The following ATP9B variants were observed in gnomAD, a reference collection of about 807,000 sequenced individuals.
ATP9B encodes the protein probable phospholipid-transporting ATPase IIB.
ATP9B carries 110 observed loss-of-function variants against 146.1 expected under a neutral mutation model. The observed-to-expected ratio is 0.75, with a 90% CI of 0.65 to 0.88. The LOEUF (loss-of-function observed/expected upper bound fraction) is 0.88. Ranked by LOEUF, ATP9B falls within the 40% of genes least tolerant of loss-of-function variation. The probability of loss-of-function intolerance (pLI) is 0.00; values close to 1 mark genes in which losing one functional copy is unlikely to be tolerated. For missense variants in ATP9B, 1,499 were observed against 1,496.4 expected (o/e 1.00, Z -0.03); for synonymous variants, 604 against 569.7 (o/e 1.06, Z -0.86).
At chr18:79,092,718 A>G (rs2074446047) in intron 1 of ATP9B, among the ~76,000 whole-genome samples, 1 of 149,052 alleles carries the variant, frequency 6.7e-6, no homozygotes. Flanking sequence ...GGTCAGGATC[A>G]TCAATATCAC....
chr18:79,115,697 CT>C (rs1375453050), intron 4 of ATP9B: 1 of 80,156 alleles, frequency 1.2e-5, no homozygotes, highest in Non-Finnish European at 2.3e-5. Context: ...ATAAATGGTG[CT>C]GGGAAAACTG....
intron 11 of ATP9B, among the ~76,000 whole-genome samples, chr18:79,231,031 C>T (rs2095786451): frequency 6.6e-6 from 1 of 152,156 alleles, no homozygotes; most frequent in Non-Finnish European, 1.5e-5. Flanking sequence ...AAGTCTAAGA[C>T]CTGAAACCAT....
chr18:79,094,140 C>T (rs1283044044), intron 1 of ATP9B, among the ~76,000 whole-genome samples: 1 of 152,232 alleles, frequency 6.6e-6, no homozygotes, highest in African/African-American at 2.4e-5. Flanking sequence ...AGTTGCAAAG[C>T]CTTGGCTGTG....
intron 5 of ATP9B, among the ~76,000 whole-genome samples, chr18:79,134,029 G>A (rs1202817641): frequency 1.3e-5 from 2 of 151,982 alleles, no homozygotes; most frequent in Non-Finnish European, 2.9e-5. Context: ...AAGTGCATCT[G>A]ATGCCATTTT....
rs550402975 is a variant in ATP9B, at chr18:79,234,485, C to T, written c.1108-18896C>T. ...AAGGTAGATCGCTGCCTTTGCTCCACGAGACTTCTTCCTGCGTGTTCTGCA... is the reference window on the plus strand; with the variant it reads ...AAGGTAGATCGCTGCCTTTGCTCCATGAGACTTCTTCCTGCGTGTTCTGCA... On this transcript the variant is annotated intron_variant, in intron 11 of 29. Coordinates refer to ENST00000426216, the MANE Select transcript of ATP9B (RefSeq NM_198531.5). Among the ~76,000 whole-genome samples the T allele has an allele frequency of 1.1e-4, 17 of 152,352 alleles. No individual in the cohort carries two copies. In the South Asian group the frequency reaches 1.9e-3, roughly 17 times the overall value.
chr18:79,116,714 T>C (rs1462609181), intron 4 of ATP9B, among the ~76,000 whole-genome samples: 2 of 61,788 alleles, frequency 3.2e-5, no homozygotes, highest in Admixed American at 1.8e-4. Context: ...TAGGTGGGAA[T>C]TGAACAATGA....
At chr18:79,243,477 G>A (rs1373586905) in intron 11 of ATP9B, among the ~76,000 whole-genome samples, 2 of 152,212 alleles carry the variant, frequency 1.3e-5, no homozygotes, top group African/African-American at 4.8e-5. Context: ...ATGGGATGGA[G>A]ATCTTCCAGT....
chr18:79,196,796 G>T (rs973835684), intron 9 of ATP9B, among the ~76,000 whole-genome samples: 1 of 152,190 alleles, frequency 6.6e-6, no homozygotes, highest in African/African-American at 2.4e-5. Context: ...AACAGGAGTT[G>T]CAGTCTTGGT....
intron 11 of ATP9B, among the ~76,000 whole-genome samples, chr18:79,229,327 G>A (rs1395917493): frequency 6.6e-6 from 1 of 152,166 alleles, no homozygotes; most frequent in Non-Finnish European, 1.5e-5. Flanking sequence ...AATTTAGGGA[G>A]GGATCTGTTT....
chr18:79,290,057 G>T (rs1299628004), intron 13 of ATP9B, among the ~76,000 whole-genome samples: 1 of 152,148 alleles, frequency 6.6e-6, no homozygotes, highest in Non-Finnish European at 1.5e-5. Flanking sequence ...CTGCTCGGGG[G>T]TCAGGGGTCA....
chr18:79,176,250 A>G (rs955716124), intron 7 of ATP9B, among the ~76,000 whole-genome samples: 1 of 152,174 alleles, frequency 6.6e-6, no homozygotes, highest in Non-Finnish European at 1.5e-5. Context: ...ATAGATTCTG[A>G]GAAGTGGGAT....
chr18:79,350,187 T>C (rs1400692979), intron 25 of ATP9B, among the ~76,000 whole-genome samples: 1 of 152,198 alleles, frequency 6.6e-6, no homozygotes, highest in Non-Finnish European at 1.5e-5. Flanking sequence ...CGCCTGCACA[T>C]GTTAGCACCG....
intron 11 of ATP9B, among the ~76,000 whole-genome samples, chr18:79,217,427 G>A (rs184397805): frequency 5.3e-5 from 8 of 152,170 alleles, no homozygotes; most frequent in East Asian, 1.9e-4. Flanking sequence ...CTCGTGATCC[G>A]CCCGCCTCTG....
intron 26 of ATP9B, among the ~76,000 whole-genome samples, chr18:79,367,973 G>A (rs929915206): frequency 1.8e-4 from 27 of 152,214 alleles, no homozygotes; most frequent in African/African-American, 6.3e-4. Context: ...GCCCTGGGCA[G>A]GAAAAGCACA....
At chr18:79,218,753 A>G (rs929408719) in intron 11 of ATP9B, among the ~76,000 whole-genome samples, 2 of 152,206 alleles carry the variant, frequency 1.3e-5, no homozygotes, top group East Asian at 3.8e-4. Context: ...GATGTGGCCA[A>G]TTACATACTG....
Position 79,174,270 on chromosome 18 carries a change from G to A in ATP9B, c.779-2543G>A, listed in dbSNP as rs570295665. On this transcript the variant is annotated intron_variant, in intron 7 of 29. Transcript: ENST00000426216. ...TGTAATGGACTGCTGCGTCACCATC[G>A]TCCCCTGGAAGACTGCTCATTAAAT... 1.1e-3 allele frequency: 315 copies of A among 286,642 alleles called. 1 individual carries two copies. Among genetic ancestry groups the A allele is most frequent in the Middle Eastern group, 1.2e-3 (3 of 2,430 alleles). 17.8% of individuals were successfully genotyped at this position (286,642 alleles called of 1,614,324 possible).
At chr18:79,290,626 C>T (rs2096493735) in intron 13 of ATP9B, among the ~76,000 whole-genome samples, 1 of 152,228 alleles carries the variant, frequency 6.6e-6, no homozygotes, top group Non-Finnish European at 1.5e-5. Flanking sequence ...ACCCACTGTC[C>T]TGGGCCCACT....
At chr18:79,330,621 G>A (rs1337792198) in intron 17 of ATP9B, among the ~76,000 whole-genome samples, 4 of 152,098 alleles carry the variant, frequency 2.6e-5, no homozygotes, top group Non-Finnish European at 5.9e-5. Flanking sequence ...CACCATGTTA[G>A]CCAGGATGGT....
chr18:79,317,762 C>T (rs1035391288), intron 15 of ATP9B, among the ~76,000 whole-genome samples: 2 of 152,138 alleles, frequency 1.3e-5, no homozygotes, highest in Non-Finnish European at 2.9e-5. Flanking sequence ...ATGTACCTCT[C>T]CGGGGTGGTG....
Sources: gnomAD v4.1 joint callset for allele counts (sites outside exome capture counted in the v4.1 genomes callset) on GRCh38, gnomAD v4.1.1 for gene constraint, MANE v1.5 for transcripts, NCBI Gene and HGNC (gene_info 2026-07-23, HGNC 2026-07-21) for gene names.